Variants in FILIP1L observed in about 807,000 individuals in gnomAD.
FILIP1L encodes filamin A interacting protein 1 like.
A neutral mutation model predicts 96.6 loss-of-function variants in FILIP1L; 55 were observed. That is an observed-to-expected ratio of 0.57 (90% confidence interval 0.46 to 0.71). The LOEUF is 0.71. Among genes scored for constraint, FILIP1L ranks in the 30% least tolerant of loss-of-function variants. The pLI, the probability that FILIP1L is intolerant of heterozygous loss-of-function variation, is 0.00. For synonymous variants in FILIP1L, 467 were observed against 473.9 expected, an observed-to-expected ratio of 0.99 and a Z score of 0.19; for missense variants, 1,304 against 1,321.2, an observed-to-expected ratio of 0.99 and a Z score of 0.20.
chr3:100,009,843 C>G (rs554927348), intron 1 of FILIP1L, among the ~76,000 whole-genome samples: 1 of 152,152 alleles, frequency 6.6e-6, no homozygotes, highest in Non-Finnish European at 1.5e-5. Context: ...GTATACGTGT[C>G]CACGTTTTCA....
intron 1 of FILIP1L, among the ~76,000 whole-genome samples, chr3:100,007,526 G>C (rs759095628): frequency 1.3e-5 from 2 of 152,150 alleles, no homozygotes; most frequent in Non-Finnish European, 2.9e-5. Context: ...GAAACAGTAA[G>C]AGATCCGTTA....
rs1576632372 is a variant in FILIP1L at position 100,001,174 on chromosome 3, A to G, written c.-10-70144T>C. On this transcript the variant is annotated intron_variant, in intron 1 of 5. Transcript: ENST00000477258. Reference sequence around the variant, plus strand: ...AAGTGGTGATAAATTTAGTAGTAGTAGCCATACCCTCTCACTTTGTCTCAG... The same window carrying G: ...AAGTGGTGATAAATTTAGTAGTAGTGGCCATACCCTCTCACTTTGTCTCAG... Among the ~76,000 whole-genome samples the G allele has an allele frequency of 2.6e-5, 4 of 152,354 alleles. 1 individual carries two copies. The highest frequency in any genetic ancestry group is 2.6e-4 in the Admixed American group (4 of 15,300).
Position 100,098,058 on chromosome 3 carries a change from G to A in FILIP1L, c.-11+15995C>T, listed in dbSNP as rs73144463. On this transcript the variant is annotated intron_variant, in intron 1 of 5. Coordinates refer to ENST00000477258, the MANE Select transcript of FILIP1L (RefSeq NM_001387850.1). ...TGAAAAATCTAGTAAAACAAGAATAGCAACAAGATCATAGGTCAGGGACTA... is the reference window on the plus strand; with the variant it reads ...TGAAAAATCTAGTAAAACAAGAATAACAACAAGATCATAGGTCAGGGACTA... Among the ~76,000 whole-genome samples, 433 of 152,270 alleles carry A rather than the reference G, an allele frequency of 2.8e-3. 2 individuals are homozygous for A. Among genetic ancestry groups the A allele is most frequent in the Non-Finnish European group, 4.5e-3 (307 of 68,016 alleles).
At chr3:100,032,697 G>A (rs1300777595) in intron 1 of FILIP1L, among the ~76,000 whole-genome samples, 1 of 152,126 alleles carries the variant, frequency 6.6e-6, no homozygotes, top group African/African-American at 2.4e-5. Context: ...TTTTAAAATA[G>A]TATGAATAAT....
intron 4 of FILIP1L, among the ~76,000 whole-genome samples, chr3:99,922,799 A>G (rs1290002475): frequency 6.6e-6 from 1 of 152,220 alleles, no homozygotes; most frequent in Non-Finnish European, 1.5e-5. Context: ...ATATTTACCA[A>G]CCAAACTCTC....
intron 4 of FILIP1L, among the ~76,000 whole-genome samples, chr3:99,903,838 G>A (rs544540282): frequency 6.6e-6 from 1 of 152,138 alleles, no homozygotes; most frequent in South Asian, 2.1e-4. Flanking sequence ...TCTTATTTCT[G>A]AGGCAGAAAT....
At chr3:99,987,986 C>A (rs1709396020) in intron 1 of FILIP1L, among the ~76,000 whole-genome samples, 1 of 152,074 alleles carries the variant, frequency 6.6e-6, no homozygotes. Context: ...TTAAGAATAG[C>A]TCTTTTTTCT....
intron 4 of FILIP1L, among the ~76,000 whole-genome samples, chr3:99,920,148 TC>T (rs1707079983): frequency 6.6e-6 from 1 of 152,212 alleles, no homozygotes; most frequent in African/African-American, 2.4e-5. Context: ...AATATTTCTT[TC>T]CTGCTTTAGT....
At chr3:100,005,269 T>C (rs1046852567) in intron 1 of FILIP1L, among the ~76,000 whole-genome samples, 1 of 152,224 alleles carries the variant, frequency 6.6e-6, no homozygotes, top group Non-Finnish European at 1.5e-5. Flanking sequence ...CTTTGTGTTT[T>C]TGGCTCAATA....
At position 99,877,116 on chromosome 3, in the gene FILIP1L, A is replaced by G. The variant is rs9831706; in HGVS notation, c.606-26046T>C. ...GAATGAGAATTCACCTCCGAATTATAAGAGAAGTCATACCTAAAGTTCTAG... is the reference window on the plus strand; with the variant it reads ...GAATGAGAATTCACCTCCGAATTATGAGAGAAGTCATACCTAAAGTTCTAG... On this transcript the variant is annotated intron_variant, in intron 4 of 5. Coordinates refer to ENST00000477258, the MANE Select transcript of FILIP1L (RefSeq NM_001387850.1). Among the ~76,000 whole-genome samples the G allele has an allele frequency of 6.1e-3, 931 of 152,318 alleles. 10 individuals are homozygous for G. Among genetic ancestry groups the G allele is most frequent in the African/African-American group, 0.021 (880 of 41,568 alleles).
Position 100,016,848 on chromosome 3 carries a change from G to A in FILIP1L, c.-10-85818C>T, listed in dbSNP as rs1334556166. Reference sequence around the variant, plus strand: ...TTCTAGGAACAGATGCAGATTTCATGACATCTTAGTCTATGTTATCTAATG... The same window carrying A: ...TTCTAGGAACAGATGCAGATTTCATAACATCTTAGTCTATGTTATCTAATG... On this transcript the variant is annotated intron_variant, in intron 1 of 5. Transcript: ENST00000477258. 2.0e-5 allele frequency among the ~76,000 whole-genome samples: 3 copies of A among 152,194 alleles called. No individual in the cohort carries two copies. The East Asian group carries it at 5.8e-4, about 29-fold the overall frequency.
intron 1 of FILIP1L, among the ~76,000 whole-genome samples, chr3:100,069,445 G>A (rs1176411150): frequency 6.6e-6 from 1 of 152,098 alleles, no homozygotes; most frequent in East Asian, 1.9e-4. Flanking sequence ...TTAAGAGAAA[G>A]GAGATGGCTG....
intron 3 of FILIP1L, among the ~76,000 whole-genome samples, chr3:99,927,433 G>A (rs1707329402): frequency 6.6e-6 from 1 of 150,802 alleles, no homozygotes; most frequent in Non-Finnish European, 1.5e-5. Flanking sequence ...GCAATGGCGT[G>A]ATCTCAGCTC....
At position 100,106,773 on chromosome 3, in the gene FILIP1L, G is replaced by A. The variant is rs149851512; in HGVS notation, c.-11+7280C>T. ...TCACTCAAATTGTGTCTAACTGGTG[G>A]TTGTACTACTCCTAACCTAATGCCC... On this transcript the variant is annotated intron_variant, in intron 1 of 5. Coordinates refer to ENST00000477258, the MANE Select transcript of FILIP1L (RefSeq NM_001387850.1). 2.8e-3 allele frequency among the ~76,000 whole-genome samples: 421 copies of A among 152,230 alleles called. 3 individuals carry two copies. Among genetic ancestry groups the A allele is most frequent in the African/African-American group, 9.5e-3 (396 of 41,546 alleles).
chr3:100,085,246 T>C (rs1473439974), intron 1 of FILIP1L, among the ~76,000 whole-genome samples: 3 of 152,230 alleles, frequency 2.0e-5, no homozygotes, highest in African/African-American at 7.2e-5. Flanking sequence ...CATTAATATT[T>C]TAGAACAGCT....
chr3:99,858,225 G>A (rs937210612), intron 4 of FILIP1L, among the ~76,000 whole-genome samples: 1 of 152,120 alleles, frequency 6.6e-6, no homozygotes, highest in Non-Finnish European at 1.5e-5. Flanking sequence ...CAGCACTTTG[G>A]GAGGCTGAGG....
intron 1 of FILIP1L, among the ~76,000 whole-genome samples, chr3:99,952,770 C>T (rs1018234166): frequency 1.3e-5 from 2 of 152,090 alleles, no homozygotes; most frequent in African/African-American, 4.8e-5. Flanking sequence ...TTAAATTGCT[C>T]ATGAATATTC....
chr3:100,000,196 T>C (rs187072617), intron 1 of FILIP1L, among the ~76,000 whole-genome samples: 121 of 152,328 alleles, frequency 7.9e-4, no homozygotes, highest in Non-Finnish European at 3.1e-4. Flanking sequence ...CTTCTGATCC[T>C]TCAGGTCTCT....
chr3:100,069,129 C>T (rs1246075741), intron 1 of FILIP1L, among the ~76,000 whole-genome samples: 2 of 152,140 alleles, frequency 1.3e-5, no homozygotes, highest in African/African-American at 2.4e-5. Context: ...AGTTTCATGT[C>T]TTCTGTAAGG....
Sources: allele counts gnomAD v4.1 joint callset (sites outside exome capture counted in the v4.1 genomes callset), GRCh38; gene constraint gnomAD v4.1.1; transcripts MANE v1.5; gene names NCBI Gene and HGNC (gene_info 2026-07-23, HGNC 2026-07-21).